PDE6C: variants seen among roughly 807,000 people sequenced by gnomAD.
The protein encoded by PDE6C is cone cGMP-specific 3',5'-cyclic phosphodiesterase subunit alpha'.
PDE6C carries 75 observed loss-of-function variants against 113.1 expected under a neutral mutation model. That is an observed-to-expected ratio of 0.66 (90% confidence interval 0.55 to 0.80). The LOEUF is 0.80. Among genes scored for constraint, PDE6C ranks in the 30% least tolerant of loss-of-function variants. The pLI is 0.00. For missense variants in PDE6C, 912 were observed against 1,038.6 expected, an observed-to-expected ratio of 0.88 and a Z score of 1.67; for synonymous variants, 375 against 363.7, an observed-to-expected ratio of 1.03 and a Z score of -0.35.
intron 1 of PDE6C, among the ~76,000 whole-genome samples, chr10:93,614,921 T>A (rs1029415379): frequency 6.6e-6 from 1 of 152,184 alleles, no homozygotes; most frequent in Non-Finnish European, 1.5e-5. Flanking sequence ...GAAAGAGACC[T>A]CATTGGTTCT....
At chr10:93,633,148 G>T (rs2058509831) in intron 8 of PDE6C, among the ~76,000 whole-genome samples, 1 of 152,126 alleles carries the variant, frequency 6.6e-6, no homozygotes. Flanking sequence ...GAGGGCATCA[G>T]AATTACCTGG....
intron 21 of PDE6C, among the ~76,000 whole-genome samples, 176 bp from the exon 22 acceptor site, chr10:93,665,184 G>A (rs555766445): frequency 1.3e-5 from 2 of 152,140 alleles, no homozygotes; most frequent in South Asian, 4.1e-4. Context: ...TTTATTTTTT[G>A]AATGGACCAA....
At chr10:93,662,941 A>G in intron 20 of PDE6C, 87 bp from the exon 21 acceptor site, 1 of 1,218,932 alleles carries the variant, frequency 8.2e-7, no homozygotes, top group Non-Finnish European at 1.2e-6. Context: ...TGCTGTAACA[A>G]TTCCTTACAG....
chr10:93,662,582 G>T lies in PDE6C; in HGVS notation c.2306G>T (p.Arg769Ile). ...TAGCCTATGATGGACAGAAACAAAA[G>T]AGATGAATTACCTAAACTTCAAGTT... is the stretch of plus-strand genomic sequence containing the variant. Reference protein sequence around the residue: ...QPIPMMDRNKRDELPKLQVGF... With the variant: ...QPIPMMDRNKIDELPKLQVGF... The change falls in exon 20 of 22, where the codon AGA becomes ATA. Residue 769 changes from arginine to isoleucine, a missense_variant. Transcript: ENST00000371447. 1 of 1,505,512 alleles carries T rather than the reference G, an allele frequency of 6.6e-7. No individual in the cohort carries two copies. 93.3% of individuals were successfully genotyped at this position (1,505,512 alleles called of 1,614,324 possible).
In PDE6C at chr10:93,640,091, C is replaced by G. The variant is rs145216599; in HGVS notation, c.1504C>G (p.Arg502Gly). 3.1e-6 allele frequency: 5 copies of G among 1,613,974 alleles called. No homozygotes were observed. Among genetic ancestry groups the G allele is most frequent in the African/African-American group, 1.3e-5 (1 of 74,916 alleles). Residue 502 changes from arginine to glycine, a missense_variant, in exon 12 of 22, where the codon CGC becomes GGC. Coordinates refer to ENST00000371447, the MANE Select transcript of PDE6C (RefSeq NM_006204.4). Reference protein sequence around the residue: ...AILKEDLPDPRSAELYEFRFS... With the variant: ...AILKEDLPDPGSAELYEFRFS... ...ACAGAAAGAGGACTTGCCAGACCCA[C>G]GCTCAGCAGAACTGTACGAATTCCG...
At chr10:93,657,675 T>C (rs2058645130) in intron 16 of PDE6C, among the ~76,000 whole-genome samples, 1 of 152,234 alleles carries the variant, frequency 6.6e-6, no homozygotes, top group South Asian at 2.1e-4. Context: ...CCCAGTCTTC[T>C]ATTCATAGAC....
intron 1 of PDE6C, among the ~76,000 whole-genome samples, chr10:93,615,812 A>G (rs1425123859): frequency 6.6e-6 from 1 of 152,232 alleles, no homozygotes; most frequent in East Asian, 1.9e-4. Context: ...GGAATATTAG[A>G]GATGGAAGGG....
intron 4 of PDE6C, among the ~76,000 whole-genome samples, chr10:93,624,370 C>T (rs916916947): frequency 1.2e-4 from 18 of 152,070 alleles, no homozygotes; most frequent in Admixed American, 6.6e-5. Context: ...GCCTCAGTAG[C>T]TGGGATTATA....
At chr10:93,644,428 C>T (rs1429009538) in intron 14 of PDE6C, among the ~76,000 whole-genome samples, 6 of 151,966 alleles carry the variant, frequency 3.9e-5, no homozygotes, top group African/African-American at 1.2e-4. Context: ...TTTTAAATTG[C>T]TACATAATAG....
Position 93,640,097 on chromosome 10 carries a change from G to A in PDE6C, c.1510G>A (p.Ala504Thr). 5 of 1,614,122 alleles carry A rather than the reference G, an allele frequency of 3.1e-6. No individual in the cohort carries two copies. Among genetic ancestry groups the A allele is most frequent in the Non-Finnish European group, 4.2e-6 (5 of 1,179,974 alleles). Residue 504 changes from alanine to threonine, a missense_variant, in exon 12 of 22, where the codon GCA (alanine) becomes ACA (threonine). Transcript: ENST00000371447. ...AGAGGACTTGCCAGACCCACGCTCA[G>A]CAGAACTGTACGAATTCCGCTTCAG... ...LKEDLPDPRS[A>T]ELYEFRFSDF...
intron 7 of PDE6C, among the ~76,000 whole-genome samples, chr10:93,627,416 A>G (rs1479456004): frequency 6.6e-6 from 1 of 152,138 alleles, no homozygotes; most frequent in East Asian, 1.9e-4. Flanking sequence ...CCATCCCTCA[A>G]TTTCTTATTC....
intron 15 of PDE6C, among the ~76,000 whole-genome samples, chr10:93,652,032 TGTGC>T (rs1181169383): frequency 1.3e-5 from 2 of 152,106 alleles, no homozygotes; most frequent in African/African-American, 4.8e-5. Context: ...TGTGTGTGTG[TGTGC>T]CTGTGTGTGT....
At chr10:93,635,941 A>G (rs1227721728) in intron 10 of PDE6C, among the ~76,000 whole-genome samples, 1 of 152,232 alleles carries the variant, frequency 6.6e-6, no homozygotes, top group East Asian at 1.9e-4. Flanking sequence ...AGCTATTGTC[A>G]TATAATGCTG....
chr10:93,654,969 A>T (rs1454912902), intron 15 of PDE6C, among the ~76,000 whole-genome samples: 3 of 151,498 alleles, frequency 2.0e-5, no homozygotes, highest in Non-Finnish European at 4.4e-5. Context: ...CACCACACCC[A>T]GCTATTTTTG....
intron 9 of PDE6C, among the ~76,000 whole-genome samples, 192 bp from the exon 10 acceptor site, chr10:93,635,305 C>G (rs1325593170): frequency 6.6e-6 from 1 of 152,096 alleles, no homozygotes; most frequent in Non-Finnish European, 1.5e-5. Flanking sequence ...GTGCATGGTA[C>G]ACTTTAAAAA....
At chr10:93,644,829 T>C (rs1182250876) in intron 14 of PDE6C, among the ~76,000 whole-genome samples, 1 of 146,832 alleles carries the variant, frequency 6.8e-6, no homozygotes, top group South Asian at 2.1e-4. Flanking sequence ...GTACTATATA[T>C]ATACTATATA....
chr10:93,629,786 G>C (rs553334884), intron 8 of PDE6C, among the ~76,000 whole-genome samples: 67 of 152,288 alleles, frequency 4.4e-4, no homozygotes, highest in African/African-American at 1.6e-3. Flanking sequence ...TGATCTGACA[G>C]GAGGTGGAGC....
chr10:93,632,851 T>C (rs945490436), intron 8 of PDE6C, among the ~76,000 whole-genome samples: 4 of 152,124 alleles, frequency 2.6e-5, no homozygotes, highest in Non-Finnish European at 5.9e-5. Context: ...CTACATAGAG[T>C]AGTAACAAAT....
chr10:93,656,194 C>T (rs1222627596), intron 16 of PDE6C, among the ~76,000 whole-genome samples: 1 of 152,170 alleles, frequency 6.6e-6, no homozygotes, highest in African/African-American at 2.4e-5. Flanking sequence ...AGCCAAGAGA[C>T]CTCTCAAGGT....
Sources: gnomAD v4.1 joint callset for allele counts (sites outside exome capture counted in the v4.1 genomes callset) on GRCh38, gnomAD v4.1.1 for gene constraint, MANE v1.5 for transcripts, NCBI Gene and HGNC (gene_info 2026-07-23, HGNC 2026-07-21) for gene names.